PIK3R5: variants seen among roughly 807,000 people sequenced by gnomAD.
PIK3R5 encodes phosphoinositide-3-kinase regulatory subunit 5.
PIK3R5 carries 32 observed loss-of-function variants against 94.9 expected under a neutral mutation model. That is an observed-to-expected ratio of 0.34 (90% CI 0.25 to 0.45). The LOEUF (loss-of-function observed/expected upper bound fraction) is 0.45, where lower values mean the gene tolerates loss of function less well. Ranked by LOEUF, PIK3R5 falls within the 20% of genes least tolerant of loss-of-function variation. The pLI, the probability that PIK3R5 is intolerant of heterozygous loss-of-function variation, is 1.00. For synonymous variants in PIK3R5, 443 were observed against 479.4 expected, an observed-to-expected ratio of 0.92 and a Z score of 0.99; for missense variants, 853 against 1,144.6, an observed-to-expected ratio of 0.75 and a Z score of 3.68.
chr17:8,906,515 T>C (rs181533), intron 3 of PIK3R5, among the ~76,000 whole-genome samples: 63,238 of 151,996 alleles, frequency 0.42, 13,853 homozygotes, highest in African/African-American at 0.54. Flanking sequence ...CATGGATTTT[T>C]GCTTTTGCAT....
chr17:8,917,031 C>T (rs753467152), intron 1 of PIK3R5, among the ~76,000 whole-genome samples: 13 of 152,150 alleles, frequency 8.5e-5, no homozygotes, highest in Non-Finnish European at 1.9e-4. Flanking sequence ...TCTTACCTTC[C>T]GAGGCTTGAC....
intron 1 of PIK3R5, among the ~76,000 whole-genome samples, chr17:8,942,379 C>T (rs922614718): frequency 1.3e-5 from 2 of 152,000 alleles, no homozygotes; most frequent in Admixed American, 6.6e-5. Context: ...CACCCATAGT[C>T]GGAGCCTCCT....
chr17:8,909,140 C>T lies in PIK3R5; in HGVS notation c.138G>A (p.Glu46=). 6.2e-7 allele frequency: 1 copy of T among 1,605,912 alleles called. No homozygotes were observed. The highest frequency in any genetic ancestry group is 8.5e-7 in the Non-Finnish European group (1 of 1,175,796). ...AGTGGCCCGGGTCCCTGCTGACCAGCTCCTGCAGGCTCCAGCAGTTCAGAC... is the reference window on the plus strand; with the variant it reads ...AGTGGCCCGGGTCCCTGCTGACCAGTTCCTGCAGGCTCCAGCAGTTCAGAC... The part of the protein sequence containing the change: ...GLCLNCWSLQ[E]LVSRDPGHFL... Residue 46 remains glutamate (E), a synonymous_variant, in exon 3 of 19, where the codon GAG becomes GAA. Transcript: ENST00000447110. The surrounding 1 kb of genome is among the most constrained non-coding windows in gnomAD (Gnocchi z 4.3).
intron 1 of PIK3R5, among the ~76,000 whole-genome samples, chr17:8,934,756 T>G (rs143392014): frequency 7.2e-4 from 109 of 152,198 alleles, no homozygotes; most frequent in African/African-American, 1.8e-3. Context: ...TAAACATAAA[T>G]AGAACCATAG....
chr17:8,930,876 G>A (rs988934981), intron 1 of PIK3R5, among the ~76,000 whole-genome samples: 1 of 152,238 alleles, frequency 6.6e-6, no homozygotes, highest in African/African-American at 2.4e-5. Context: ...CATTAGGGCA[G>A]GTGCAGGAGG....
intron 3 of PIK3R5, among the ~76,000 whole-genome samples, chr17:8,906,550 T>A (rs1432639190): frequency 6.6e-6 from 1 of 152,210 alleles, no homozygotes; most frequent in Admixed American, 6.5e-5. Flanking sequence ...AATATTCATA[T>A]ATACTTTCTT....
chr17:8,893,636 C>T lies in PIK3R5; in HGVS notation c.432G>A (p.Leu144=), dbSNP rs776289067. 3 of 1,613,698 alleles carry T rather than the reference C, an allele frequency of 1.9e-6. No homozygotes were observed. The African/African-American group carries it at 4.0e-5, about 22-fold the overall frequency. ...LKAPGISYQR[L]VRAEQGLPIR... ...TGGGCAGGCCCTGCTCAGCCCTCAC[C>T]AGTCTCTGGTAGGAGATCCCTGTGG... The change falls in exon 6 of 19, where the codon CTG becomes CTA. Residue 144 remains leucine, a synonymous_variant. Transcript: ENST00000447110. This position sits in a 1 kb window ranked among gnomAD's most constrained non-coding sequence, Gnocchi z 5.1.
At chr17:8,953,700 G>C (rs1346268677) in intron 1 of PIK3R5, among the ~76,000 whole-genome samples, 1 of 152,214 alleles carries the variant, frequency 6.6e-6, no homozygotes, top group Admixed American at 6.5e-5. Context: ...CCACTGAAGA[G>C]GGGAAGTGGA....
Position 8,904,767 on chromosome 17 carries a change from C to T in PIK3R5, c.412+10G>A. 6.2e-7 allele frequency: 1 copy of T among 1,613,800 alleles called. No homozygotes were observed. The highest frequency in any genetic ancestry group is 8.5e-7 in the Non-Finnish European group (1 of 1,179,800). On this transcript the variant is annotated intron_variant, in intron 5 of 18. Transcript: ENST00000447110. This position sits in a 1 kb window ranked among gnomAD's most constrained non-coding sequence, Gnocchi z 5.1. ...GCCCTGTCCCCCGTGCCAGCTGCCT[C>T]AGTGCTTACCTGGGGCCTTGAGTTC...
intron 1 of PIK3R5, among the ~76,000 whole-genome samples, chr17:8,964,053 C>G (rs943056430): frequency 2.0e-5 from 3 of 152,190 alleles, no homozygotes; most frequent in Admixed American, 2.0e-4. Context: ...ATCCACGGAG[C>G]ATCTCCCACG....
intron 1 of PIK3R5, among the ~76,000 whole-genome samples, chr17:8,956,677 A>G (rs1006559261): frequency 1.4e-4 from 22 of 152,156 alleles, no homozygotes; most frequent in Non-Finnish European, 2.8e-4. Flanking sequence ...CTCAAAATGA[A>G]ACTCTCAACA....
intron 1 of PIK3R5, among the ~76,000 whole-genome samples, chr17:8,937,190 A>AT (rs1243274607): frequency 5.9e-5 from 9 of 152,166 alleles, no homozygotes; most frequent in African/African-American, 2.2e-4. Flanking sequence ...ATAGACAATC[A>AT]TGTTATTTGG....
intron 1 of PIK3R5, among the ~76,000 whole-genome samples, chr17:8,937,968 C>A (rs1302864502): frequency 6.6e-6 from 1 of 152,176 alleles, no homozygotes; most frequent in East Asian, 1.9e-4. Context: ...TGCCACCACA[C>A]CCAGCTAATT....
At chr17:8,907,203 T>TC (rs1330363683) in intron 3 of PIK3R5, among the ~76,000 whole-genome samples, 4 of 151,814 alleles carry the variant, frequency 2.6e-5, no homozygotes. Context: ...TTTGTATTTT[T>TC]TTTTTTTTTA....
Position 8,888,002 on chromosome 17 carries a change from A to AAATAATAAT in PIK3R5, c.1616+160_1616+168dup, listed in dbSNP as rs71135929. Among the ~76,000 whole-genome samples, 419 of 129,504 alleles carry AAATAATAAT rather than the reference A, an allele frequency of 3.2e-3. 1 individual carries two copies. Among genetic ancestry groups the AAATAATAAT allele is most frequent in the African/African-American group, 4.9e-3 (171 of 34,696 alleles). The allele number at this position is 129,504 out of a possible 152,430, so 85.0% of individuals were successfully genotyped here. A position where few individuals can be genotyped will look rare whatever the true frequency, so the allele number is the denominator to read the frequency against. On this transcript the variant is annotated intron_variant, in intron 10 of 18. Coordinates refer to ENST00000447110, the MANE Select transcript of PIK3R5 (RefSeq NM_001142633.3). This position sits in a 1 kb window ranked among gnomAD's most constrained non-coding sequence, Gnocchi z 7.8. ...GGCAACAGAGCAAGACTCTGTCTCA[A>AAATAATAAT]AATAATAATAATAATAATAATAATA...
intron 1 of PIK3R5, among the ~76,000 whole-genome samples, chr17:8,938,921 C>T (rs1035746462): frequency 6.6e-6 from 1 of 152,162 alleles, no homozygotes; most frequent in African/African-American, 2.4e-5. Flanking sequence ...CCCAAGTTTA[C>T]CTTTCTACAT....
chr17:8,943,918 G>A (rs556600017), intron 1 of PIK3R5, among the ~76,000 whole-genome samples: 12 of 151,062 alleles, frequency 7.9e-5, no homozygotes, highest in Non-Finnish European at 1.5e-4. Context: ...TAGGTGCGGG[G>A]GTACATGTGC....
rs1253287315 is a variant in PIK3R5 at position 8,905,714 on chromosome 17, G to A, written c.228C>T (p.Asp76=). The A allele has an allele frequency of 3.1e-6, 5 of 1,606,074 alleles. No homozygotes were observed. The highest frequency in any genetic ancestry group is 1.1e-5 in the South Asian group (1 of 89,044). Reference sequence around the variant, plus strand: ...AGAGCAGGGCCAGCGGGGTGAGCAGGTCGTAGGTGCCCTTCTCCTGGACCT... The same window carrying A: ...AGAGCAGGGCCAGCGGGGTGAGCAGATCGTAGGTGCCCTTCTCCTGGACCT... The part of the protein sequence containing the change: ...TREVQEKGTY[D]LLTPLALLFY... Residue 76 remains aspartate (D), a synonymous_variant, in exon 4 of 19, where the codon GAC becomes GAT. Coordinates refer to ENST00000447110, the MANE Select transcript of PIK3R5 (RefSeq NM_001142633.3).
intron 1 of PIK3R5, among the ~76,000 whole-genome samples, chr17:8,959,964 G>A (rs1182570606): frequency 6.6e-6 from 1 of 152,168 alleles, no homozygotes; most frequent in Non-Finnish European, 1.5e-5. Context: ...TCCTGAGCGG[G>A]ACACGCTATC....
Sources: allele counts gnomAD v4.1 joint callset (sites outside exome capture counted in the v4.1 genomes callset), GRCh38; gene constraint gnomAD v4.1.1; non-coding constraint Gnocchi (gnomAD v3.1); transcripts MANE v1.5; gene names NCBI Gene and HGNC (gene_info 2026-07-23, HGNC 2026-07-21).